NRG3: variants seen among roughly 807,000 people sequenced by gnomAD.
The protein encoded by NRG3 is neuregulin 3.
In NRG3, 31 loss-of-function variants were observed where a neutral mutation model predicts 66.9. The ratio of observed to expected loss-of-function variants is 0.46; its 90% CI spans 0.35 to 0.63. The LOEUF is 0.63. Ranked by LOEUF, NRG3 falls within the 20% of genes least tolerant of loss-of-function variation. The pLI is 0.00. For missense variants in NRG3, 910 were observed against 878.9 expected (o/e 1.04, Z -0.45); for synonymous variants, 393 against 359.4 (o/e 1.09, Z -1.06).
intron 1 of NRG3, among the ~76,000 whole-genome samples, chr10:82,054,006 T>A (rs2063720230): frequency 6.6e-6 from 1 of 152,156 alleles, no homozygotes; most frequent in African/African-American, 2.4e-5. Flanking sequence ...AGGAGCAAAG[T>A]AAGCAAAGGT....
At chr10:82,724,443 C>T (rs927515447) in intron 2 of NRG3, among the ~76,000 whole-genome samples, 2 of 152,218 alleles carry the variant, frequency 1.3e-5, no homozygotes, top group South Asian at 2.1e-4. Context: ...TTCCTTTAGC[C>T]GGCAGAAATG....
chr10:82,436,954 T>C (rs532116951), intron 2 of NRG3, among the ~76,000 whole-genome samples: 117 of 152,322 alleles, frequency 7.7e-4, no homozygotes, highest in African/African-American at 2.7e-3. Flanking sequence ...CCTTTCCCTC[T>C]GGCTGCCCTT....
chr10:81,977,220 G>A (rs1472749518), intron 1 of NRG3, among the ~76,000 whole-genome samples: 1 of 152,094 alleles, frequency 6.6e-6, no homozygotes, highest in African/African-American at 2.4e-5. Context: ...ACAATCTTTA[G>A]ACCTGTATTT....
At chr10:82,728,367 G>C (rs2057722458) in intron 2 of NRG3, among the ~76,000 whole-genome samples, 1 of 152,080 alleles carries the variant, frequency 6.6e-6, no homozygotes, top group Non-Finnish European at 1.5e-5. Flanking sequence ...TTGAATCGTG[G>C]GGTCTGGTCT....
chr10:81,878,492 C>G (rs2132448866), intron 1 of NRG3, among the ~76,000 whole-genome samples: 1 of 152,030 alleles, frequency 6.6e-6, no homozygotes, highest in Non-Finnish European at 1.5e-5. Flanking sequence ...TTTTTTCATC[C>G]AAGATTGCAG....
At chr10:82,756,528 T>G (rs1211523332) in intron 3 of NRG3, among the ~76,000 whole-genome samples, 1 of 152,158 alleles carries the variant, frequency 6.6e-6, no homozygotes, top group Non-Finnish European at 1.5e-5. Context: ...CTGATTTATT[T>G]GATTGTGCAC....
intron 3 of NRG3, among the ~76,000 whole-genome samples, chr10:82,862,134 C>A (rs2064160740): frequency 6.6e-6 from 1 of 152,182 alleles, no homozygotes; most frequent in Admixed American, 6.5e-5. Context: ...CCCTTGCACC[C>A]TCAGGCATCA....
At chr10:82,099,182 G>T (rs914423821) in intron 1 of NRG3, among the ~76,000 whole-genome samples, 3 of 152,028 alleles carry the variant, frequency 2.0e-5, no homozygotes, top group Non-Finnish European at 2.9e-5. Flanking sequence ...CTTACTGTAG[G>T]TCATGAAGAT....
chr10:82,899,167 A>G (rs1843968748), intron 4 of NRG3, among the ~76,000 whole-genome samples: 1 of 152,148 alleles, frequency 6.6e-6, no homozygotes, highest in Admixed American at 6.6e-5. Flanking sequence ...AGTCATAGAT[A>G]GCCATTCTTC....
chr10:82,546,510 G>C (rs2043928421), intron 2 of NRG3, among the ~76,000 whole-genome samples: 1 of 152,182 alleles, frequency 6.6e-6, no homozygotes, highest in African/African-American at 2.4e-5. Flanking sequence ...ATGGAAAAAT[G>C]TCTATGATAT....
At chr10:82,717,911 G>C (rs372738018) in intron 2 of NRG3, among the ~76,000 whole-genome samples, 1 of 149,034 alleles carries the variant, frequency 6.7e-6, no homozygotes, top group Non-Finnish European at 1.5e-5. Flanking sequence ...TCACCTGTAT[G>C]TCAAAGCCTC....
At chr10:82,113,235 T>A (rs954311888) in intron 1 of NRG3, among the ~76,000 whole-genome samples, 5 of 152,180 alleles carry the variant, frequency 3.3e-5, no homozygotes, top group Non-Finnish European at 7.3e-5. Context: ...AGATGGGAAC[T>A]GTTTTACAGG....
chr10:82,172,811 A>G (rs2072732331), intron 1 of NRG3, among the ~76,000 whole-genome samples: 1 of 152,032 alleles, frequency 6.6e-6, no homozygotes, highest in Non-Finnish European at 1.5e-5. Flanking sequence ...CCATCCTAAC[A>G]CTGGCCTTGT....
chr10:82,176,768 T>G (rs1351061619), intron 1 of NRG3, among the ~76,000 whole-genome samples: 1 of 152,040 alleles, frequency 6.6e-6, no homozygotes, highest in African/African-American at 2.4e-5. Context: ...TTGACCTGTT[T>G]CACAGCTGGT....
intron 3 of NRG3, among the ~76,000 whole-genome samples, chr10:82,834,042 A>G (rs969995452): frequency 1.3e-5 from 2 of 152,214 alleles, no homozygotes; most frequent in African/African-American, 4.8e-5. Context: ...AGCAGAGATC[A>G]GCCAGTACAA....
chr10:82,889,210 T>A (rs489466), intron 4 of NRG3, among the ~76,000 whole-genome samples: 19 of 151,704 alleles, frequency 1.3e-4, no homozygotes, highest in Non-Finnish European at 2.4e-4. Flanking sequence ...GACACGAGGG[T>A]GACCTGAACA....
chr10:82,497,731 G>A (rs1248442870), intron 2 of NRG3, among the ~76,000 whole-genome samples: 1 of 152,218 alleles, frequency 6.6e-6, no homozygotes, highest in Middle Eastern at 3.4e-3. Context: ...CTTCCAGATG[G>A]TGATTTCATT....
At chr10:82,279,790 T>C (rs1589571273) in intron 1 of NRG3, among the ~76,000 whole-genome samples, 2 of 152,182 alleles carry the variant, frequency 1.3e-5, no homozygotes, top group Non-Finnish European at 2.9e-5. Flanking sequence ...TGGCAACATG[T>C]TTTACAGCTT....
chr10:82,095,111 A>G (rs2066257275), intron 1 of NRG3, among the ~76,000 whole-genome samples: 1 of 152,066 alleles, frequency 6.6e-6, no homozygotes, highest in Admixed American at 6.5e-5. Flanking sequence ...ACTGTGTGAA[A>G]TTTGGATGCT....
Sources: allele counts gnomAD v4.1 joint callset (sites outside exome capture counted in the v4.1 genomes callset), GRCh38; gene constraint gnomAD v4.1.1; transcripts MANE v1.5; gene names NCBI Gene and HGNC (gene_info 2026-07-23, HGNC 2026-07-21).